Variants in ZNF331 observed in about 807,000 individuals in gnomAD.
ZNF331 encodes zinc finger protein 331.
A neutral mutation model predicts 7.0 loss-of-function variants in ZNF331; 2 were observed. That is an observed-to-expected ratio of 0.29 (90% CI 0.12 to 0.90). The LOEUF (loss-of-function observed/expected upper bound fraction) is 0.90. ZNF331 is among the 40% of genes least tolerant of loss of function. The pLI, the probability that ZNF331 is intolerant of heterozygous loss-of-function variation, is 0.58. For missense variants in ZNF331, 432 were observed against 587.7 expected (o/e 0.74, Z 2.74); for synonymous variants, 196 against 205.4 (o/e 0.95, Z 0.39).
At chr19:53,516,489 A>G (rs2086907912), upstream of ZNF331, among the ~76,000 whole-genome samples, 1 of 152,158 alleles carries the variant, frequency 6.6e-6, no homozygotes, top group Admixed American at 6.6e-5. Context: ...ATGGTTTTAA[A>G]AAATGCAAGT....
At chr19:53,514,645 C>G (rs37398), upstream of ZNF331, among the ~76,000 whole-genome samples, 4 of 140,102 alleles carry the variant, frequency 2.9e-5, no homozygotes, top group South Asian at 7.1e-4. Context: ...TTTATTGAAG[C>G]CTTCTCCTTT....
At chr19:53,572,411 T>G (rs2090487086) in intron 5 of ZNF331, among the ~76,000 whole-genome samples, 1 of 151,794 alleles carries the variant, frequency 6.6e-6, no homozygotes, top group African/African-American at 2.4e-5. Flanking sequence ...GAGGATCACT[T>G]GAGCCCAGGA....
At chr19:53,559,849 C>T (rs1204985643) in intron 3 of ZNF331, among the ~76,000 whole-genome samples, 2 of 151,096 alleles carry the variant, frequency 1.3e-5, no homozygotes, top group African/African-American at 4.9e-5. Flanking sequence ...TACATATACA[C>T]ATATACATAC....
At chr19:53,531,204 T>TA (rs1419075832) in intron 2 of ZNF331, among the ~76,000 whole-genome samples, 6 of 152,226 alleles carry the variant, frequency 3.9e-5, no homozygotes, top group Non-Finnish European at 8.8e-5. Context: ...TCAAGTGAGT[T>TA]ACGTTTTATT....
At chr19:53,554,144 G>A (rs2089200181) in intron 2 of ZNF331, among the ~76,000 whole-genome samples, 1 of 152,128 alleles carries the variant, frequency 6.6e-6, no homozygotes, top group Non-Finnish European at 1.5e-5. Context: ...TCGCTTCCTA[G>A]GAGGAACCCA....
In ZNF331 at chr19:53,579,393, C is replaced by G. The variant is rs981656734; in HGVS notation, c.*1441C>G. 5.0e-6 allele frequency: 1 copy of G among 200,080 alleles called. No homozygotes were observed. The highest frequency in any genetic ancestry group is 2.3e-5 in the African/African-American group (1 of 43,302). The allele number at this position is 200,080 out of a possible 1,614,324, so 12.4% of individuals were successfully genotyped here. ...CCTGTGAGACACTGGGCCAAAGGCT[C>G]ACTACCCCTGTGCGTTGTCCAGCAC... is the stretch of plus-strand genomic sequence containing the variant. On this transcript the variant is annotated 3_prime_UTR_variant, in exon 6 of 6. Coordinates refer to ENST00000449416, the MANE Select transcript of ZNF331 (RefSeq NM_001079906.2).
chr19:53,547,848 TTTTCTGCCCA>T (rs1432113355), intron 2 of ZNF331, among the ~76,000 whole-genome samples: 2 of 152,182 alleles, frequency 1.3e-5, no homozygotes, highest in Non-Finnish European at 2.9e-5. Flanking sequence ...GCTGTTCAAG[TTTTCTGCCCA>T]TTTATTATCA....
chr19:53,516,009 G>A (rs2086895595), upstream of ZNF331, among the ~76,000 whole-genome samples: 1 of 152,170 alleles, frequency 6.6e-6, no homozygotes, highest in Non-Finnish European at 1.5e-5. Flanking sequence ...AAAAAAGCTG[G>A]TAGATGTTAT....
chr19:53,546,773 T>C (rs989406629), intron 2 of ZNF331, among the ~76,000 whole-genome samples: 2 of 152,230 alleles, frequency 1.3e-5, no homozygotes, highest in African/African-American at 2.4e-5. Flanking sequence ...TTTGAGCTAA[T>C]TTCTGTGTCA....
At chr19:53,569,483 T>G (rs2090332854) in intron 4 of ZNF331, 98 bp downstream of exon 4, 1 of 1,377,542 alleles carries the variant, frequency 7.3e-7, no homozygotes, top group African/African-American at 1.4e-5. Context: ...TCAAGCTCTT[T>G]ATAATTACCT....
At chr19:53,576,631 T>G in intron 5 of ZNF331, 66 bp from the exon 6 acceptor site, 1 of 1,427,826 alleles carries the variant, frequency 7.0e-7, no homozygotes, top group Non-Finnish European at 9.5e-7. Context: ...GAGTTTTTGG[T>G]TTGTGGTTAG....
At position 53,539,776 on chromosome 19, in the gene ZNF331, C is replaced by T. The variant is rs558501669; in HGVS notation, c.-138+494C>T. 2.0e-5 allele frequency among the ~76,000 whole-genome samples: 3 copies of T among 152,256 alleles called. No homozygotes were observed. The highest frequency in any genetic ancestry group is 1.9e-4 in the East Asian group (1 of 5,188). ...CATGGCATTAAGAAGGATGGACATGCCCCAAAGACATTTAGACCCATTGGT... is the reference window on the plus strand; with the variant it reads ...CATGGCATTAAGAAGGATGGACATGTCCCAAAGACATTTAGACCCATTGGT... On this transcript the variant is annotated intron_variant, in intron 2 of 5. Coordinates refer to ENST00000449416, the MANE Select transcript of ZNF331 (RefSeq NM_001079906.2). The surrounding 1 kb of genome is among the most constrained non-coding windows in gnomAD (Gnocchi z 6.1).
At chr19:53,554,664 C>G (rs2089255561) in intron 2 of ZNF331, 1 of 152,264 alleles carries the variant, frequency 6.6e-6, no homozygotes, top group Non-Finnish European at 1.5e-5. Flanking sequence ...ACCGGTGACG[C>G]AACCGCTGTG....
rs140886880 is a variant in ZNF331, at chr19:53,541,284, T to C, written c.-138+2002T>C. Among the ~76,000 whole-genome samples, 744 of 152,182 alleles carry C rather than the reference T, an allele frequency of 4.9e-3. 4 individuals carry two copies. The highest frequency in any genetic ancestry group is 0.014 in the African/African-American group (583 of 41,514). On this transcript the variant is annotated intron_variant, in intron 2 of 5. Transcript: ENST00000449416. ...CCACACCCAGCTAATTTTGTATTTT[T>C]AGTAGAGACGGGGTTTCTCTTTTGT...
At chr19:53,563,105 C>T (rs953168186) in intron 3 of ZNF331, among the ~76,000 whole-genome samples, 6 of 147,196 alleles carry the variant, frequency 4.1e-5, no homozygotes, top group East Asian at 2.0e-4. Flanking sequence ...CCCCCGTCCC[C>T]GAGAAGGAGT....
At chr19:53,526,347 A>C (rs959307162) in intron 2 of ZNF331, among the ~76,000 whole-genome samples, 25 of 152,124 alleles carry the variant, frequency 1.6e-4, no homozygotes, top group African/African-American at 5.6e-4. Context: ...GCATTGTATT[A>C]GGTCTTCGAA....
At chr19:53,515,115 G>T (rs758282876), upstream of ZNF331, among the ~76,000 whole-genome samples, 2 of 152,052 alleles carry the variant, frequency 1.3e-5, no homozygotes, top group Non-Finnish European at 2.9e-5. Context: ...AAGGACACAG[G>T]CTTATTGTAA....
At chr19:53,574,276 G>A (rs1387727713) in intron 5 of ZNF331, among the ~76,000 whole-genome samples, 3 of 152,102 alleles carry the variant, frequency 2.0e-5, no homozygotes, top group Admixed American at 6.6e-5. Context: ...CTTGATGGTT[G>A]TGAGGGAAGA....
intron 3 of ZNF331, among the ~76,000 whole-genome samples, chr19:53,557,691 GGTGGCCCACACTT>G (rs1392951345): frequency 3.9e-5 from 6 of 152,156 alleles, no homozygotes; most frequent in Admixed American, 2.0e-4. Flanking sequence ...GGCCGGGTGC[GGTGGCCCACACTT>G]GTAATCCCAG....
Sources: allele counts gnomAD v4.1 joint callset (sites outside exome capture counted in the v4.1 genomes callset), GRCh38; gene constraint gnomAD v4.1.1; non-coding constraint Gnocchi (gnomAD v3.1); transcripts MANE v1.5; gene names NCBI Gene and HGNC (gene_info 2026-07-23, HGNC 2026-07-21).